Variants in AOAH observed in about 807,000 individuals in gnomAD.
The protein encoded by AOAH is acyloxyacyl hydrolase (neutrophil).
A neutral mutation model predicts 92.2 loss-of-function variants in AOAH; 64 were observed. The ratio of observed to expected loss-of-function variants is 0.69; its 90% CI spans 0.57 to 0.86. The LOEUF (loss-of-function observed/expected upper bound fraction) is 0.86, where lower values mean the gene tolerates loss of function less well. Among genes scored for constraint, AOAH ranks in the 40% least tolerant of loss-of-function variants. The probability of loss-of-function intolerance (pLI) is 0.00; values close to 1 mark genes in which losing one functional copy is unlikely to be tolerated. For synonymous variants in AOAH, 263 were observed against 254.5 expected, an observed-to-expected ratio of 1.03 and a Z score of -0.32; for missense variants, 656 against 694.6, an observed-to-expected ratio of 0.94 and a Z score of 0.62.
rs149568842 is a variant in AOAH at position 36,513,146 on chromosome 7, G to A, written c.*106C>T. 3.3e-4 allele frequency: 537 copies of A among 1,612,376 alleles called. 3 individuals are homozygous for A. The African/African-American group carries it at 5.9e-3, about 18-fold the overall frequency. ...ATTTTGCAAAGATGCTGCTGAAGAA[G>A]AGTCCTTTGGGCCTGTGACGTGGCA... is the stretch of plus-strand genomic sequence containing the variant. On this transcript the variant is annotated 3_prime_UTR_variant, in exon 21 of 21. Transcript: ENST00000617537.
intron 1 of AOAH, among the ~76,000 whole-genome samples, chr7:36,712,381 T>C (rs546015216): frequency 3.5e-4 from 53 of 152,278 alleles, no homozygotes; most frequent in African/African-American, 1.2e-3. Flanking sequence ...TTAAAAAGCT[T>C]CCTGAGTACC....
At chr7:36,618,426 T>C in intron 9 of AOAH, 81 bp from the exon 10 acceptor site, 8 of 1,326,598 alleles carry the variant, frequency 6.0e-6, no homozygotes, top group Non-Finnish European at 8.6e-6. Context: ...TAAATGGCTT[T>C]AAAAGCACAA....
intron 1 of AOAH, 77 bp from the exon 2 acceptor site, chr7:36,686,871 C>CGT (rs35260531): frequency 1.7e-3 from 866 of 520,104 alleles, no homozygotes; most frequent in Admixed American, 2.5e-3. Context: ...AGAAAGGATG[C>CGT]GTGTGTGTGT....
intron 4 of AOAH, among the ~76,000 whole-genome samples, chr7:36,658,801 C>A (rs769783589): frequency 2.0e-5 from 3 of 152,192 alleles, no homozygotes; most frequent in Non-Finnish European, 4.4e-5. Flanking sequence ...TTTCAGTGCT[C>A]ATGGCAGGAA....
At chr7:36,553,907 G>T (rs866549760) in intron 13 of AOAH, among the ~76,000 whole-genome samples, 1 of 151,886 alleles carries the variant, frequency 6.6e-6, no homozygotes, top group African/African-American at 2.4e-5. Flanking sequence ...GAGTAGGTTG[G>T]GAAAATTTTC....
intron 2 of AOAH, among the ~76,000 whole-genome samples, chr7:36,684,906 C>CAAAAAAAAA (rs57827044): frequency 2.0e-4 from 12 of 60,010 alleles, no homozygotes; most frequent in Non-Finnish European, 2.9e-4. Flanking sequence ...GACCTTGTCT[C>CAAAAAAAAA]AAAAAAAAAA....
chr7:36,641,268 C>T (rs1311186709), intron 4 of AOAH, among the ~76,000 whole-genome samples: 1 of 152,194 alleles, frequency 6.6e-6, no homozygotes, highest in Admixed American at 6.5e-5. Flanking sequence ...AATGGAGTTT[C>T]TGGCCTTCAA....
intron 13 of AOAH, among the ~76,000 whole-genome samples, chr7:36,554,461 A>C (rs1042154250): frequency 1.7e-4 from 26 of 152,174 alleles, no homozygotes; most frequent in African/African-American, 5.8e-4. Context: ...TGACTTGGTG[A>C]TGTGGGCTCT....
intron 11 of AOAH, among the ~76,000 whole-genome samples, chr7:36,605,682 AGATGAT>A (rs1790947817): frequency 6.6e-6 from 1 of 152,278 alleles, no homozygotes; most frequent in Non-Finnish European, 1.5e-5. Flanking sequence ...AGCAGGGCCA[AGATGAT>A]GGATGTTCCC....
intron 20 of AOAH, among the ~76,000 whole-genome samples, chr7:36,515,714 C>T (rs1023281803): frequency 2.4e-5 from 3 of 126,720 alleles, no homozygotes; most frequent in Non-Finnish European, 1.6e-5. Flanking sequence ...CCCCCCCACA[C>T]ACCACACACC....
At chr7:36,610,396 C>G (rs1199793537) in intron 11 of AOAH, among the ~76,000 whole-genome samples, 1 of 151,268 alleles carries the variant, frequency 6.6e-6, no homozygotes, top group African/African-American at 2.4e-5. Flanking sequence ...TATATGCATA[C>G]AAGGGGGAGT....
intron 3 of AOAH, among the ~76,000 whole-genome samples, chr7:36,660,683 G>A (rs893070563): frequency 6.6e-5 from 10 of 152,134 alleles, no homozygotes; most frequent in African/African-American, 2.4e-4. Context: ...CCTGGGGATG[G>A]TATAAGGACA....
chr7:36,724,276 C>CA lies in AOAH; in HGVS notation c.-129_-128insT. On this transcript the variant is annotated 5_prime_UTR_variant, in exon 1 of 21. The change abolishes the stop of an existing upstream ORF in the 5' untranslated region. Coordinates refer to ENST00000617537, the MANE Select transcript of AOAH (RefSeq NM_001637.4). Reference sequence around the variant, plus strand: ...TTCCTCACTCTCTTTGACACACACACCCCACCCTCTCACATACACACTTTT... The same window carrying CA: ...TTCCTCACTCTCTTTGACACACACACACCCACCCTCTCACATACACACTTTT... 5.6e-6 allele frequency: 6 copies of CA among 1,068,862 alleles called. No homozygotes were observed. Among genetic ancestry groups the CA allele is most frequent in the Non-Finnish European group, 8.2e-6 (6 of 728,180 alleles). The allele number at this position is 1,068,862 out of a possible 1,614,324, so 66.2% of individuals were successfully genotyped here.
chr7:36,635,721 A>T (rs1793473311), intron 5 of AOAH, among the ~76,000 whole-genome samples: 1 of 143,852 alleles, frequency 7.0e-6, no homozygotes, highest in South Asian at 2.1e-4. Flanking sequence ...CCTAGTAGAA[A>T]GGGTACTGAA....
intron 4 of AOAH, among the ~76,000 whole-genome samples, chr7:36,653,371 A>T (rs151103703): frequency 1.5e-3 from 231 of 152,348 alleles, no homozygotes; most frequent in Non-Finnish European, 2.1e-3. Context: ...TTTAAAAAAT[A>T]AAAGTGAATT....
At chr7:36,620,978 C>A in intron 8 of AOAH, 149 bp from the exon 9 acceptor site, 1 of 719,158 alleles carries the variant, frequency 1.4e-6, no homozygotes, top group Non-Finnish European at 2.3e-6. Context: ...AGCATCACAT[C>A]CCATTGTGTG....
chr7:36,669,822 T>C (rs948433672), intron 3 of AOAH, among the ~76,000 whole-genome samples: 1 of 152,248 alleles, frequency 6.6e-6, no homozygotes. Context: ...AGAGAGCTCC[T>C]GGGCTTAGGA....
intron 18 of AOAH, among the ~76,000 whole-genome samples, chr7:36,531,016 C>A (rs182357173): frequency 1.3e-5 from 2 of 152,236 alleles, no homozygotes; most frequent in Admixed American, 1.3e-4. Flanking sequence ...AATTTGGAAA[C>A]AATCTAAATG....
At chr7:36,569,582 T>G (rs1242059140) in intron 13 of AOAH, among the ~76,000 whole-genome samples, 3 of 150,482 alleles carry the variant, frequency 2.0e-5, no homozygotes. Flanking sequence ...TATCTATCTA[T>G]CTATCTATCT....
Sources: gnomAD v4.1 joint callset for allele counts (sites outside exome capture counted in the v4.1 genomes callset) on GRCh38, gnomAD v4.1.1 for gene constraint, MANE v1.5 for transcripts, NCBI Gene and HGNC (gene_info 2026-07-23, HGNC 2026-07-21) for gene names.